PTPRM: variants seen among roughly 807,000 people sequenced by gnomAD.
PTPRM encodes the protein protein tyrosine phosphatase receptor type M.
Under a neutral mutation model 186.7 loss-of-function variants are expected in PTPRM, and 47 were observed. The observed-to-expected ratio is 0.25, with a 90% CI of 0.20 to 0.32. The LOEUF (loss-of-function observed/expected upper bound fraction) is 0.32. PTPRM is among the 10% of genes least tolerant of loss of function. The probability of loss-of-function intolerance (pLI) is 1.00; values close to 1 mark genes in which losing one functional copy is unlikely to be tolerated. For synonymous variants in PTPRM, 668 were observed against 674.9 expected, an observed-to-expected ratio of 0.99 and a Z score of 0.16; for missense variants, 1,494 against 1,865.0, an observed-to-expected ratio of 0.80 and a Z score of 3.66.
chr18:8,260,381 C>T (rs1193639192), intron 19 of PTPRM, among the ~76,000 whole-genome samples: 1 of 152,108 alleles, frequency 6.6e-6, no homozygotes, highest in Admixed American at 6.6e-5. Flanking sequence ...TGAGGCTCGT[C>T]TTGAACTCCT....
chr18:8,028,543 T>C (rs2085725921), intron 7 of PTPRM, among the ~76,000 whole-genome samples: 4 of 152,266 alleles, frequency 2.6e-5, no homozygotes, highest in Admixed American at 2.6e-4. Flanking sequence ...ATATGAACTG[T>C]TGTCCAGAAC....
At chr18:8,175,227 T>C (rs1049540833) in intron 14 of PTPRM, among the ~76,000 whole-genome samples, 4 of 152,240 alleles carry the variant, frequency 2.6e-5, no homozygotes, top group African/African-American at 9.6e-5. Context: ...TGCTGCTAAT[T>C]ATGGTTCTTA....
intron 11 of PTPRM, among the ~76,000 whole-genome samples, chr18:8,105,592 T>G (rs1260274037): frequency 6.6e-6 from 1 of 152,180 alleles, no homozygotes; most frequent in Non-Finnish European, 1.5e-5. Flanking sequence ...TAGCCTTCCC[T>G]CCCCTACTTT....
At chr18:7,966,889 A>G (rs9958750) in intron 7 of PTPRM, among the ~76,000 whole-genome samples, 39,135 of 118,430 alleles carry the variant, frequency 0.33, 12,564 homozygotes, top group African/African-American at 0.59. Flanking sequence ...AGGGGCGCCC[A>G]CCATTGCCCA....
rs10654388 is a variant in PTPRM, at chr18:7,605,419, TC to T, written c.73+37537del. ...TTCTTTTAAGAAATCAGCAAAAATGTCCCCCCCCCACTTCCGTTCTAGTACC... is the reference window on the plus strand; with the variant it reads ...TTCTTTTAAGAAATCAGCAAAAATGTCCCCCCCCACTTCCGTTCTAGTACC... On this transcript the variant is annotated intron_variant, in intron 1 of 32. Transcript: ENST00000580170. Among the ~76,000 whole-genome samples, 1,219 of 149,754 alleles carry T rather than the reference TC, an allele frequency of 8.1e-3. 14 individuals are homozygous for T. Among genetic ancestry groups the T allele is most frequent in the African/African-American group, 0.028 (1,122 of 40,380 alleles).
At chr18:7,894,179 C>T (rs1340273673) in intron 3 of PTPRM, among the ~76,000 whole-genome samples, 3 of 152,142 alleles carry the variant, frequency 2.0e-5, no homozygotes, top group African/African-American at 4.8e-5. Flanking sequence ...TGCAAGAGCC[C>T]GTCTGCTTTT....
intron 23 of PTPRM, among the ~76,000 whole-genome samples, chr18:8,362,256 G>A (rs1194451252): frequency 6.6e-6 from 1 of 152,170 alleles, no homozygotes; most frequent in East Asian, 1.9e-4. Context: ...GCACTTAGCA[G>A]CCCATCCCAG....
At chr18:7,894,341 C>A (rs1206284565) in intron 3 of PTPRM, among the ~76,000 whole-genome samples, 1 of 152,124 alleles carries the variant, frequency 6.6e-6, no homozygotes, top group African/African-American at 2.4e-5. Context: ...AATCCCAGCA[C>A]TTTGGGAGGC....
At chr18:8,287,657 C>T (rs1039382908) in intron 19 of PTPRM, among the ~76,000 whole-genome samples, 9 of 152,252 alleles carry the variant, frequency 5.9e-5, no homozygotes, top group East Asian at 3.9e-4. Flanking sequence ...AGGATCTGGG[C>T]GCATTTGCAC....
In PTPRM at chr18:7,567,747, G is replaced by T; in HGVS notation, c.-72G>T. On this transcript the variant is annotated 5_prime_UTR_variant, in exon 1 of 33. Coordinates refer to ENST00000580170, the MANE Select transcript of PTPRM (RefSeq NM_001105244.2). This position sits in a 1 kb window ranked among gnomAD's most constrained non-coding sequence, Gnocchi z 4.3. ...CTCTCCTCGCTGCCTCGGAACCAAA[G>T]CTCCCGGCCCCCTCCGCCCTCGCGC... 7.3e-7 allele frequency: 1 copy of T among 1,374,760 alleles called. No homozygotes were observed. The allele number at this position is 1,374,760 out of a possible 1,614,324, so 85.2% of individuals were successfully genotyped here.
chr18:7,946,770 C>T (rs933098170), intron 5 of PTPRM: 2 of 354,694 alleles, frequency 5.6e-6, no homozygotes, highest in African/African-American at 4.3e-5. Context: ...GACTGTTTTA[C>T]AGATAATACT....
intron 2 of PTPRM, among the ~76,000 whole-genome samples, chr18:7,850,392 G>A (rs1412241883): frequency 6.6e-6 from 1 of 152,160 alleles, no homozygotes; most frequent in African/African-American, 2.4e-5. Flanking sequence ...AAAGTATTGA[G>A]ATCTACAAGA....
chr18:8,104,302 C>T (rs1030988995), intron 11 of PTPRM, among the ~76,000 whole-genome samples: 3 of 152,280 alleles, frequency 2.0e-5, no homozygotes, highest in South Asian at 4.1e-4. Flanking sequence ...AAATACGTTA[C>T]ACCTTTGTTT....
chr18:7,972,802 C>T (rs76237370), intron 7 of PTPRM, among the ~76,000 whole-genome samples: 3,727 of 152,138 alleles, frequency 0.024, 143 homozygotes, highest in African/African-American at 0.086. Flanking sequence ...CAGATTCCCT[C>T]CTCTTTCAGT....
At chr18:7,803,942 G>A (rs1198099854) in intron 2 of PTPRM, among the ~76,000 whole-genome samples, 1 of 152,088 alleles carries the variant, frequency 6.6e-6, no homozygotes, top group Non-Finnish European at 1.5e-5. Flanking sequence ...GATCAAAAAA[G>A]CAATTCTGAA....
At chr18:7,812,797 G>T in intron 2 of PTPRM, among the ~76,000 whole-genome samples, 1 of 151,874 alleles carries the variant, frequency 6.6e-6, no homozygotes, top group Non-Finnish European at 1.5e-5. Context: ...GGGTCTGGAT[G>T]GTCTAGCTCT....
chr18:7,870,449 T>G (rs757844779), intron 2 of PTPRM, among the ~76,000 whole-genome samples: 12 of 152,050 alleles, frequency 7.9e-5, no homozygotes, highest in Non-Finnish European at 1.3e-4. Context: ...AACATAATTT[T>G]TGTGCATATG....
At chr18:8,166,018 T>C (rs149089642) in intron 14 of PTPRM, among the ~76,000 whole-genome samples, 2 of 152,322 alleles carry the variant, frequency 1.3e-5, no homozygotes, top group East Asian at 3.9e-4. Context: ...CTTGTGGCTG[T>C]CTGTGAACTA....
chr18:8,057,312 T>G (rs1191638575), intron 7 of PTPRM, among the ~76,000 whole-genome samples: 1 of 152,014 alleles, frequency 6.6e-6, no homozygotes, highest in Non-Finnish European at 1.5e-5. Context: ...TACTTTTCAA[T>G]GTGTTTTAAA....
Sources: allele counts gnomAD v4.1 joint callset (sites outside exome capture counted in the v4.1 genomes callset), GRCh38; gene constraint gnomAD v4.1.1; non-coding constraint Gnocchi (gnomAD v3.1); transcripts MANE v1.5; gene names NCBI Gene and HGNC (gene_info 2026-07-23, HGNC 2026-07-21).